Variants in DHRS3 observed in about 807,000 individuals in gnomAD.
DHRS3 encodes short-chain dehydrogenase/reductase 3.
In DHRS3, 14 loss-of-function variants were observed where a neutral mutation model predicts 27.2. The observed-to-expected ratio is 0.52, with a 90% CI of 0.34 to 0.81. DHRS3 has a LOEUF of 0.81. DHRS3 is among the 30% of genes least tolerant of loss of function. The pLI is 0.01. For missense variants in DHRS3, 322 were observed against 406.2 expected (o/e 0.79, Z 1.78); for synonymous variants, 165 against 175.9 (o/e 0.94, Z 0.49).
At chr1:12,613,060 CAA>C (rs78142592) in intron 1 of DHRS3, among the ~76,000 whole-genome samples, 14 of 121,254 alleles carry the variant, frequency 1.2e-4, no homozygotes, top group Non-Finnish European at 8.9e-5. Context: ...AACTCTGTTT[CAA>C]AAAAAAAAAA....
intron 1 of DHRS3, 129 bp from the exon 2 acceptor site, chr1:12,580,795 G>A (rs1646637776): frequency 1.8e-6 from 2 of 1,087,068 alleles, no homozygotes; most frequent in Non-Finnish European, 2.6e-6. Flanking sequence ...TCCACCCAAA[G>A]ATAAAGAATA....
At chr1:12,602,549 G>A (rs1246339972) in intron 1 of DHRS3, among the ~76,000 whole-genome samples, 1 of 152,222 alleles carries the variant, frequency 6.6e-6, no homozygotes, top group African/African-American at 2.4e-5. Flanking sequence ...ATGTCCTGCT[G>A]AGCATCTGCT....
intron 1 of DHRS3, chr1:12,596,309 C>G (rs2100699642): frequency 6.6e-6 from 1 of 152,304 alleles, no homozygotes; most frequent in South Asian, 2.1e-4. Flanking sequence ...CTCCGCTTCC[C>G]CGAGAAGCCT....
intron 1 of DHRS3, among the ~76,000 whole-genome samples, chr1:12,598,049 GGAAGAACGTAT>G (rs1455108894): frequency 1.3e-5 from 2 of 152,174 alleles, no homozygotes; most frequent in Non-Finnish European, 2.9e-5. Context: ...AGCCACTCCA[GGAAGAACGTAT>G]CACACATCCC....
chr1:12,574,953 A>C lies in DHRS3; in HGVS notation c.699-2100T>G, dbSNP rs1390850449. On this transcript the variant is annotated intron_variant, in intron 4 of 5. Transcript: ENST00000616661. This position sits in a 1 kb window ranked among gnomAD's most constrained non-coding sequence, Gnocchi z 4.6. The stretch of plus-strand genomic sequence containing the variant: ...AAAATGGGAATAAAAGCTCTCTTCC[A>C]GGGTTGCTGTGAGGGCCAAATGCAG... Among the ~76,000 whole-genome samples, 1 of 152,106 alleles carries C rather than the reference A, an allele frequency of 6.6e-6. No homozygotes were observed. The highest frequency in any genetic ancestry group is 2.4e-5 in the African/African-American group (1 of 41,418).
rs186899742 is a variant in DHRS3, at chr1:12,609,708, G to A, written c.195+7446C>T. On this transcript the variant is annotated intron_variant, in intron 1 of 5. Coordinates refer to ENST00000616661, the MANE Select transcript of DHRS3 (RefSeq NM_004753.7). ...CCACCTGCCTGTCACAGCAGCCAGG[G>A]GATCCTGCTAAGGCTTGGGTGAGGG... Among the ~76,000 whole-genome samples, 12 of 152,292 alleles carry A rather than the reference G, an allele frequency of 7.9e-5. No homozygotes were observed. The South Asian group carries it at 1.7e-3, about 21-fold the overall frequency.
chr1:12,585,217 G>GTGTGTCTCTGTGAGTGTGTGTCTC (rs1553139834), intron 1 of DHRS3, among the ~76,000 whole-genome samples: 4 of 12,806 alleles, frequency 3.1e-4, no homozygotes, highest in Non-Finnish European at 9.9e-4. Context: ...GTGTATCTCT[G>GTGTGTCTCTGTGAGTGTGTGTCTC]TGTGTGTGTG....
At chr1:12,579,211 C>T in intron 3 of DHRS3, 82 bp downstream of exon 3, 2 of 1,607,992 alleles carry the variant, frequency 1.2e-6, no homozygotes, top group Non-Finnish European at 1.7e-6. Flanking sequence ...GAGCCCAAGC[C>T]CTGGCAAATC....
At chr1:12,611,098 G>A (rs1287176851) in intron 1 of DHRS3, among the ~76,000 whole-genome samples, 1 of 152,212 alleles carries the variant, frequency 6.6e-6, no homozygotes, top group Non-Finnish European at 1.5e-5. Context: ...TACCAAGATG[G>A]AAATGAACCA....
At position 12,617,370 on chromosome 1, in the gene DHRS3, C is replaced by A. The variant is rs1284830992; in HGVS notation, c.-22G>T. ...CCATCCTCCGCGCCGCGGAGCCGGGCAGGGGGCGAAACTCCCCGGGCCGAG... is the reference window on the plus strand; with the variant it reads ...CCATCCTCCGCGCCGCGGAGCCGGGAAGGGGGCGAAACTCCCCGGGCCGAG... On this transcript the variant is annotated 5_prime_UTR_variant, in exon 1 of 6. Transcript: ENST00000616661. 6.3e-6 allele frequency: 10 copies of A among 1,591,288 alleles called. No homozygotes were observed. In the Middle Eastern group the frequency reaches 5.0e-4, roughly 80 times the overall value.
chr1:12,617,745 C>A lies in DHRS3; in HGVS notation c.-397G>T, dbSNP rs1296212426. 1.5e-5 allele frequency: 2 copies of A among 134,034 alleles called. No homozygotes were observed. Among genetic ancestry groups the A allele is most frequent in the African/African-American group, 3.0e-5 (1 of 33,896 alleles). 8.3% of individuals were successfully genotyped at this position (134,034 alleles called of 1,614,324 possible). Reference sequence around the variant, plus strand: ...AAAAAAAAAAAAGGCACCAACCACACGCGCGCACCCTGCCTCGGTCCCGCG... The same window carrying A: ...AAAAAAAAAAAAGGCACCAACCACAAGCGCGCACCCTGCCTCGGTCCCGCG... On this transcript the variant is annotated 5_prime_UTR_variant, in exon 1 of 6. Transcript: ENST00000616661.
In DHRS3 at chr1:12,617,550, T is replaced by G; in HGVS notation, c.-202A>C. 2.2e-6 allele frequency: 1 copy of G among 454,582 alleles called. No homozygotes were observed. Among genetic ancestry groups the G allele is most frequent in the Non-Finnish European group, 3.7e-6 (1 of 272,182 alleles). The allele number at this position is 454,582 out of a possible 1,614,324, so 28.2% of individuals were successfully genotyped here. A position where few individuals can be genotyped will look rare whatever the true frequency, so the allele number is the denominator to read the frequency against. Reference sequence around the variant, plus strand: ...AAAAAAAAAAAAAAAAGATAAATTCTCCTCTGGGGGAGAAAAAGCGTCTCC... The same window carrying G: ...AAAAAAAAAAAAAAAAGATAAATTCGCCTCTGGGGGAGAAAAAGCGTCTCC... On this transcript the variant is annotated 5_prime_UTR_variant, in exon 1 of 6. Transcript: ENST00000616661.
intron 1 of DHRS3, chr1:12,600,532 C>T (rs1339372487): frequency 1.8e-5 from 6 of 330,814 alleles, no homozygotes; most frequent in South Asian, 2.3e-4. Context: ...GCAGGACTGC[C>T]TGCCTGCATG....
chr1:12,579,300 T>C lies in DHRS3; in HGVS notation c.452A>G (p.Gln151Arg). Residue 151 changes from glutamine (Q) to arginine (R), a missense_variant, in exon 3 of 6, where the codon CAG becomes CGG. Gln to Arg is a conservative substitution (Grantham distance 43). Coordinates refer to ENST00000616661, the MANE Select transcript of DHRS3 (RefSeq NM_004753.7). ...LKSQHINTLG[Q>R]FWTTKAFLPR... Reference sequence around the variant, plus strand: ...GCCCCGGATAGCCCTTACCCAGAACTGGCCCAGGGTGTTGATGTGTTGGGA... The same window carrying C: ...GCCCCGGATAGCCCTTACCCAGAACCGGCCCAGGGTGTTGATGTGTTGGGA... The C allele has an allele frequency of 6.2e-7, 1 of 1,614,118 alleles. No individual in the cohort carries two copies. Among genetic ancestry groups the C allele is most frequent in the Non-Finnish European group, 8.5e-7 (1 of 1,180,004 alleles).
chr1:12,575,986 C>T (rs142767875), intron 4 of DHRS3, among the ~76,000 whole-genome samples: 6 of 152,052 alleles, frequency 3.9e-5, no homozygotes, highest in Non-Finnish European at 7.4e-5. Context: ...GGATTACAGG[C>T]GTGAGCCACC....
chr1:12,602,056 C>T lies in DHRS3; in HGVS notation c.195+15098G>A, dbSNP rs1226551578. On this transcript the variant is annotated intron_variant, in intron 1 of 5. Transcript: ENST00000616661. ...TGAGTGAGAGGGCATGCCCCCTGCC[C>T]CTGTGGATATCAACAAGCAGCCACA... is the stretch of plus-strand genomic sequence containing the variant. Among the ~76,000 whole-genome samples, 5 of 152,320 alleles carry T rather than the reference C, an allele frequency of 3.3e-5. No individual in the cohort carries two copies. In the East Asian group the frequency reaches 7.7e-4, roughly 24 times the overall value.
At chr1:12,571,353 T>C (rs1646534863) in intron 5 of DHRS3, among the ~76,000 whole-genome samples, 2 of 152,150 alleles carry the variant, frequency 1.3e-5, no homozygotes, top group African/African-American at 4.8e-5. Flanking sequence ...CGACTGGTAC[T>C]AAGACGCTTC....
chr1:12,610,476 A>G (rs1336145130), intron 1 of DHRS3, among the ~76,000 whole-genome samples: 1 of 152,182 alleles, frequency 6.6e-6, no homozygotes, highest in African/African-American at 2.4e-5. Flanking sequence ...TGCTCCCTGC[A>G]TGCCTTCAGT....
At chr1:12,584,729 G>A (rs1405844003) in intron 1 of DHRS3, among the ~76,000 whole-genome samples, 4 of 152,306 alleles carry the variant, frequency 2.6e-5, no homozygotes, top group East Asian at 3.9e-4. Flanking sequence ...CTTCCTGGCC[G>A]GGCCTTGGGT....
Sources: allele counts gnomAD v4.1 joint callset (sites outside exome capture counted in the v4.1 genomes callset), GRCh38; gene constraint gnomAD v4.1.1; non-coding constraint Gnocchi (gnomAD v3.1); transcripts MANE v1.5; gene names NCBI Gene and HGNC (gene_info 2026-07-23, HGNC 2026-07-21).